HYCC2: variants seen among roughly 807,000 people sequenced by gnomAD.
HYCC2 encodes the protein hyccin 2.
chr2:200,981,612 T>C, the HYCC2 span: 9 of 1,614,232 alleles, frequency 5.6e-6, no homozygotes, highest in Non-Finnish European at 7.6e-6. This position sits in a 1 kb window ranked among gnomAD's most constrained non-coding sequence, Gnocchi z 4.5. Flanking sequence ...CAACTGAATC[T>C]ACACTAAGAT....
At chr2:201,005,794 T>C in the HYCC2 span, among the ~76,000 whole-genome samples, 5 of 152,198 alleles carry the variant, frequency 3.3e-5, no homozygotes, top group Admixed American at 1.3e-4. Context: ...AGAGAAATAG[T>C]AGCTGAGATT....
At chr2:201,025,009 A>C in the HYCC2 span, among the ~76,000 whole-genome samples, 1 of 152,074 alleles carries the variant, frequency 6.6e-6, no homozygotes, top group Admixed American at 6.6e-5. Flanking sequence ...GCTACTCAGG[A>C]GGCTGAGGCA....
chr2:200,974,083 C>T, the HYCC2 span: 12 of 151,806 alleles, frequency 7.9e-5, no homozygotes, highest in Non-Finnish European at 1.5e-4. Context: ...TGTCACTAGT[C>T]CTAGGTTGAA....
At chr2:201,013,424 T>G in the HYCC2 span, among the ~76,000 whole-genome samples, 1 of 149,870 alleles carries the variant, frequency 6.7e-6, no homozygotes, top group Non-Finnish European at 1.5e-5. Flanking sequence ...GAGCTAAGAC[T>G]GCCACTGCAC....
chr2:201,025,538 A>G, the HYCC2 span, among the ~76,000 whole-genome samples: 3 of 152,242 alleles, frequency 2.0e-5, no homozygotes, highest in African/African-American at 4.8e-5. Context: ...TAAGGAATCA[A>G]AAGAGCTTCT....
At chr2:201,023,317 C>G in the HYCC2 span, among the ~76,000 whole-genome samples, 2 of 151,778 alleles carry the variant, frequency 1.3e-5, no homozygotes, top group Non-Finnish European at 2.9e-5. Flanking sequence ...CCACTGCACT[C>G]CAGCCTGGGT....
At chr2:201,065,696 G>A in the HYCC2 span, among the ~76,000 whole-genome samples, 2 of 152,174 alleles carry the variant, frequency 1.3e-5, no homozygotes, top group Non-Finnish European at 2.9e-5. Context: ...ATAACATCAG[G>A]GTTCCAGCTC....
the HYCC2 span, among the ~76,000 whole-genome samples, chr2:201,033,615 G>A: frequency 5.9e-5 from 9 of 151,662 alleles, no homozygotes; most frequent in South Asian, 2.1e-4. Flanking sequence ...CATGTTAGCC[G>A]GTATGGTCTC....
chr2:201,009,807 T>C, the HYCC2 span, among the ~76,000 whole-genome samples: 1 of 151,716 alleles, frequency 6.6e-6, no homozygotes, highest in African/African-American at 2.4e-5. Flanking sequence ...TTTCTAAAGT[T>C]AGAAGAACCA....
At chr2:201,067,110 T>C in the HYCC2 span, 1 of 248,506 alleles carries the variant, frequency 4.0e-6, no homozygotes, top group South Asian at 5.6e-5. Flanking sequence ...TGATCAGACC[T>C]GATGAAGAGA....
chr2:201,053,455 C>T, the HYCC2 span, among the ~76,000 whole-genome samples: 3 of 152,188 alleles, frequency 2.0e-5, no homozygotes, highest in African/African-American at 7.2e-5. Context: ...CGAAACTATC[C>T]CACGTAATGC....
the HYCC2 span, among the ~76,000 whole-genome samples, chr2:201,001,165 C>G: frequency 6.7e-6 from 1 of 150,170 alleles, no homozygotes; most frequent in Non-Finnish European, 1.5e-5. Context: ...AGAGATGGGG[C>G]CTTTGGGACA....
the HYCC2 span, among the ~76,000 whole-genome samples, chr2:201,001,002 G>T: frequency 1.3e-5 from 2 of 151,986 alleles, no homozygotes; most frequent in African/African-American, 2.4e-5. Flanking sequence ...GCCAGGCACG[G>T]TGTTGCACAC....
the HYCC2 span, among the ~76,000 whole-genome samples, chr2:201,062,188 C>A: frequency 6.6e-6 from 1 of 152,016 alleles, no homozygotes; most frequent in African/African-American, 2.4e-5. Context: ...AATAAAAGAT[C>A]AACTGGCAAA....
chr2:201,026,078 T>C, the HYCC2 span, among the ~76,000 whole-genome samples: 1 of 152,052 alleles, frequency 6.6e-6, no homozygotes, highest in Non-Finnish European at 1.5e-5. Flanking sequence ...CCATCTCACA[T>C]GCAAAGACAT....
the HYCC2 span, among the ~76,000 whole-genome samples, chr2:201,012,249 C>T: frequency 6.6e-6 from 1 of 152,062 alleles, no homozygotes; most frequent in African/African-American, 2.4e-5. Flanking sequence ...CGCTTCAGCT[C>T]AGAAGTTTGA....
chr2:201,028,419 A>G, the HYCC2 span, among the ~76,000 whole-genome samples: 1 of 152,220 alleles, frequency 6.6e-6, no homozygotes, highest in African/African-American at 2.4e-5. Flanking sequence ...TGCCATCCCC[A>G]ACAAGCTACC....
At chr2:201,045,193 C>T in the HYCC2 span, among the ~76,000 whole-genome samples, 1 of 152,078 alleles carries the variant, frequency 6.6e-6, no homozygotes, top group South Asian at 2.1e-4. Context: ...TAGAATATAG[C>T]CATCATCAAA....
the HYCC2 span, among the ~76,000 whole-genome samples, chr2:201,030,844 G>C: frequency 6.6e-6 from 1 of 152,096 alleles, no homozygotes; most frequent in South Asian, 2.1e-4. Flanking sequence ...CTCCTAAAGT[G>C]CTGGGATTAC....
Sources: gnomAD v4.1 joint callset for allele counts (sites outside exome capture counted in the v4.1 genomes callset) on GRCh38, gnomAD v4.1.1 for gene constraint, Gnocchi (gnomAD v3.1) non-coding constraint, MANE v1.5 for transcripts, NCBI Gene and HGNC (gene_info 2026-07-23, HGNC 2026-07-21) for gene names.